The following MICAL2 variants were observed in gnomAD, a reference collection of about 807,000 sequenced individuals.
MICAL2 encodes the protein microtubule associated monooxygenase, calponin and LIM domain containing 2, also known as [F-actin]-monooxygenase MICAL2.
In MICAL2, 77 loss-of-function variants were observed where a neutral mutation model predicts 127.3. The observed-to-expected ratio is 0.60, with a 90% CI of 0.50 to 0.73. The LOEUF is 0.73. Ranked by LOEUF, MICAL2 falls within the 30% of genes least tolerant of loss-of-function variation. The probability of loss-of-function intolerance (pLI) is 0.00; values close to 1 mark genes in which losing one functional copy is unlikely to be tolerated. For synonymous variants in MICAL2, 570 were observed against 551.1 expected, an observed-to-expected ratio of 1.03 and a Z score of -0.48; for missense variants, 1,351 against 1,434.4, an observed-to-expected ratio of 0.94 and a Z score of 0.94.
At position 12,220,021 on chromosome 11, in the gene MICAL2, T is replaced by C. The variant is rs146621277; in HGVS notation, c.949-180T>C. On this transcript the variant is annotated intron_variant, in intron 8 of 27. Coordinates refer to ENST00000683283, the MANE Select transcript of MICAL2 (RefSeq NM_001282663.2). Reference sequence around the variant, plus strand: ...CAAATTTGATGCTTAATCACAACCGTGTTAACCCTCACAGCTGGCTGATTT... The same window carrying C: ...CAAATTTGATGCTTAATCACAACCGCGTTAACCCTCACAGCTGGCTGATTT... Among the ~76,000 whole-genome samples the C allele has an allele frequency of 2.4e-3, 369 of 152,338 alleles. 2 individuals are homozygous for C. Among genetic ancestry groups the C allele is most frequent in the African/African-American group, 8.4e-3 (348 of 41,584 alleles).
rs1231162365 is a variant in MICAL2 at position 12,220,273 on chromosome 11, G to A, written c.1021G>A (p.Glu341Lys). The A allele has an allele frequency of 6.2e-7, 1 of 1,614,234 alleles. No individual in the cohort carries two copies. Among genetic ancestry groups the A allele is most frequent in the East Asian group, 2.2e-5 (1 of 44,882 alleles). The part of the protein sequence containing the change: ...NQDNLLSYAR[E>K]AADFATNYQL... ...AGACAACCTGCTATCCTATGCCCGG[G>A]AAGCTGCAGACTTTGCCACCAACTA... Residue 341 changes from glutamate (E) to lysine (K), a missense_variant, in exon 9 of 28, where the codon GAA becomes AAA. By Grantham distance (56) the Glu-to-Lys change is moderately conservative. Around this residue, in one of 2 missense-constraint regions of MICAL2, gnomAD observed 599 missense variants for 714.9 expected, o/e 0.84. Transcript: ENST00000683283.
chr11:12,330,900 A>AGAGTGTGTGT (rs1238311364), intron 32 of MICAL2, among the ~76,000 whole-genome samples: 3 of 119,344 alleles, frequency 2.5e-5, no homozygotes, highest in African/African-American at 6.1e-5. Flanking sequence ...AGAGAGAGAG[A>AGAGTGTGTGT]GTGTGTGTGT....
chr11:12,238,998 T>A (rs1859496487), intron 16 of MICAL2, among the ~76,000 whole-genome samples: 1 of 152,198 alleles, frequency 6.6e-6, no homozygotes, highest in African/African-American at 2.4e-5. Flanking sequence ...GCTTCCTTCA[T>A]TGGCCCCCAA....
chr11:12,244,472 A>G (rs907291299), intron 21 of MICAL2, among the ~76,000 whole-genome samples: 1 of 152,248 alleles, frequency 6.6e-6, no homozygotes, highest in Non-Finnish European at 1.5e-5. Flanking sequence ...CATTTTTATA[A>G]TATGAAATAT....
chr11:12,343,864 T>C (rs1938910568), intron 32 of MICAL2, among the ~76,000 whole-genome samples: 1 of 152,110 alleles, frequency 6.6e-6, no homozygotes, highest in African/African-American at 2.4e-5. Flanking sequence ...TAAACAAATA[T>C]CTAGAAGGGA....
chr11:12,167,819 A>G (rs547197692), intron 3 of MICAL2, among the ~76,000 whole-genome samples: 14 of 152,270 alleles, frequency 9.2e-5, no homozygotes, highest in African/African-American at 3.4e-4. Flanking sequence ...TGCACATGGA[A>G]TGTGTGGGGT....
At chr11:12,228,260 G>A (rs1857730412) in intron 15 of MICAL2, among the ~76,000 whole-genome samples, 1 of 152,112 alleles carries the variant, frequency 6.6e-6, no homozygotes, top group African/African-American at 2.4e-5. Context: ...AACCCAGGAG[G>A]CAGAGGTTGC....
downstream of MICAL2, chr11:12,294,974 T>G: frequency 7.6e-7 from 1 of 1,320,284 alleles, no homozygotes; most frequent in Non-Finnish European, 9.7e-7. Flanking sequence ...CTAACAAAAG[T>G]AGGAAAACTT....
chr11:12,348,143 G>T (rs1047511993), intron 32 of MICAL2, among the ~76,000 whole-genome samples: 1 of 97,392 alleles, frequency 1.0e-5, no homozygotes, highest in Non-Finnish European at 1.9e-5. Context: ...AACAGAGAAA[G>T]ACTCTGTCTC....
chr11:12,143,802 C>G (rs969369644), intron 2 of MICAL2, among the ~76,000 whole-genome samples: 1 of 152,056 alleles, frequency 6.6e-6, no homozygotes, highest in African/African-American at 2.4e-5. Flanking sequence ...TAAAGACCAA[C>G]AAAAAATATA....
At chr11:12,189,547 T>A (rs1026788875) in intron 3 of MICAL2, among the ~76,000 whole-genome samples, 3 of 152,150 alleles carry the variant, frequency 2.0e-5, no homozygotes, top group Non-Finnish European at 4.4e-5. Context: ...CCTTTAATAG[T>A]TTTGCAGGGT....
downstream of MICAL2, among the ~76,000 whole-genome samples, chr11:12,264,283 G>T (rs1258998688): frequency 6.6e-6 from 1 of 152,144 alleles, no homozygotes; most frequent in Non-Finnish European, 1.5e-5. Flanking sequence ...TATTAGGATG[G>T]CAATGAAGTT....
In MICAL2 at chr11:12,204,424, G is replaced by A; in HGVS notation, c.439G>A (p.Gly147Arg). 1.9e-6 allele frequency: 3 copies of A among 1,614,178 alleles called. No homozygotes were observed. Among genetic ancestry groups the A allele is most frequent in the Non-Finnish European group, 2.5e-6 (3 of 1,180,014 alleles). The stretch of plus-strand genomic sequence containing the variant: ...TGGCCTGGGAGCCAAGAAGTTCTAT[G>A]GGAAGTTCTGTGCTGGCTCCATCGA... ...LRGLGAKKFY[G>R]KFCAGSIDHI... is the part of the protein sequence containing the mutation. Residue 147 changes from glycine (G) to arginine (R), a missense_variant, in exon 4 of 28, where the codon GGG becomes AGG. This residue lies in a region of MICAL2 where 599 missense variants were observed against 714.9 expected (regional missense o/e 0.84). Transcript: ENST00000683283.
chr11:12,268,982 A>G (rs1480271868), intron 24 of MICAL2, among the ~76,000 whole-genome samples: 1 of 152,022 alleles, frequency 6.6e-6, no homozygotes, highest in African/African-American at 2.4e-5. Context: ...CTCGGCGACG[A>G]GCGAGACTCC....
intron 13 of MICAL2, chr11:12,225,676 T>C (rs1048208198): frequency 6.3e-6 from 1 of 157,878 alleles, no homozygotes; most frequent in African/African-American, 2.4e-5. Flanking sequence ...TTAGTAGAGA[T>C]AGAGTTTTGC....
intron 7 of MICAL2, among the ~76,000 whole-genome samples, chr11:12,215,723 G>A (rs373721902): frequency 6.6e-6 from 1 of 152,246 alleles, no homozygotes; most frequent in African/African-American, 2.4e-5. Context: ...AACCTGAGTT[G>A]TTCCTACCAC....
downstream of MICAL2, chr11:12,294,688 C>T (rs1385814966): frequency 1.9e-6 from 3 of 1,614,132 alleles, no homozygotes; most frequent in Non-Finnish European, 2.5e-6. Context: ...AAAGAAAGGA[C>T]ATCAGGGACC....
At chr11:12,294,014 A>G (rs769218540), downstream of MICAL2, 2 of 1,614,164 alleles carry the variant, frequency 1.2e-6, no homozygotes, top group Non-Finnish European at 1.7e-6. Context: ...GTTGGATTGG[A>G]ATGACTCCAT....
At chr11:12,128,770 C>A (rs1851158549) in intron 1 of MICAL2, among the ~76,000 whole-genome samples, 1 of 152,196 alleles carries the variant, frequency 6.6e-6, no homozygotes, top group Non-Finnish European at 1.5e-5. Context: ...CTGACAAGTT[C>A]AAATCCTGGC....
Sources: gnomAD v4.1 joint callset for allele counts (sites outside exome capture counted in the v4.1 genomes callset) on GRCh38, gnomAD v4.1.1 for gene constraint, gnomAD v4.1.1 regional missense constraint, MANE v1.5 for transcripts, NCBI Gene and HGNC (gene_info 2026-07-23, HGNC 2026-07-21) for gene names.